Variants in TM2D1 observed in about 807,000 individuals in gnomAD.
The protein encoded by TM2D1 is TM2 domain containing 1.
A neutral mutation model predicts 28.4 loss-of-function variants in TM2D1; 15 were observed. The observed-to-expected ratio is 0.53, with a 90% CI of 0.35 to 0.81. TM2D1 has a LOEUF of 0.81. Among genes scored for constraint, TM2D1 ranks in the 40% least tolerant of loss-of-function variants. The pLI, the probability that TM2D1 is intolerant of heterozygous loss-of-function variation, is 0.01. For synonymous variants in TM2D1, 93 were observed against 96.2 expected (o/e 0.97, Z 0.20); for missense variants, 236 against 254.9 (o/e 0.93, Z 0.50).
intron 5 of TM2D1, among the ~76,000 whole-genome samples, chr1:61,690,456 C>CAAAAAAAAAAAAAAAAAAAAAAA (rs762550068): frequency 3.3e-5 from 2 of 60,048 alleles, no homozygotes; most frequent in Non-Finnish European, 5.9e-5. Flanking sequence ...GACTCAGTCT[C>CAAAAAAAAAAAAAAAAAAAAAAA]AAAAAAAAAA....
chr1:61,691,941 A>ATATATATATATG (rs1644330565), intron 5 of TM2D1, among the ~76,000 whole-genome samples: 1 of 117,658 alleles, frequency 8.5e-6, no homozygotes, highest in Non-Finnish European at 1.9e-5. Context: ...AAATATATAT[A>ATATATATATATG]TATATATATA....
At chr1:61,688,870 C>T (rs377157136) in intron 5 of TM2D1, among the ~76,000 whole-genome samples, 45 of 146,602 alleles carry the variant, frequency 3.1e-4, no homozygotes, top group East Asian at 2.5e-3. Context: ...CATGGTGAAA[C>T]GCCATCTCTA....
intron 2 of TM2D1, among the ~76,000 whole-genome samples, chr1:61,713,244 G>A (rs1037024853): frequency 5.9e-5 from 9 of 151,702 alleles, no homozygotes; most frequent in South Asian, 2.1e-4. Context: ...TTGGGAGGCC[G>A]AGGCAGGTGA....
chr1:61,711,329 C>CAA (rs1203013202), intron 2 of TM2D1, among the ~76,000 whole-genome samples: 4 of 86,068 alleles, frequency 4.6e-5, no homozygotes, highest in Non-Finnish European at 9.7e-5. Context: ...AACTCCACCT[C>CAA]AAAAAAAAAA....
chr1:61,689,405 T>C (rs997359518), intron 5 of TM2D1, among the ~76,000 whole-genome samples: 4 of 152,182 alleles, frequency 2.6e-5, no homozygotes, highest in African/African-American at 4.8e-5. Context: ...ACTCTGTTGC[T>C]CATGCTAGAG....
At chr1:61,712,985 C>T (rs1003740669) in intron 2 of TM2D1, among the ~76,000 whole-genome samples, 9 of 150,768 alleles carry the variant, frequency 6.0e-5, no homozygotes, top group Admixed American at 2.0e-4. Context: ...ACCTGACCAA[C>T]ATGGTGAAAC....
intron 2 of TM2D1, among the ~76,000 whole-genome samples, chr1:61,718,649 G>A (rs545757665): frequency 6.6e-6 from 1 of 152,150 alleles, no homozygotes; most frequent in Non-Finnish European, 1.5e-5. Flanking sequence ...ACATCACCAA[G>A]GAGAAAGAGA....
intron 2 of TM2D1, among the ~76,000 whole-genome samples, chr1:61,721,144 T>A (rs1644560974): frequency 6.6e-6 from 1 of 151,752 alleles, no homozygotes; most frequent in South Asian, 2.1e-4. Context: ...GGTGGGAGGA[T>A]CTCCTGAGCC....
At chr1:61,683,791 C>T (rs1458001810) in intron 5 of TM2D1, 2 of 262,808 alleles carry the variant, frequency 7.6e-6, no homozygotes, top group African/African-American at 4.5e-5. Context: ...CTCCCTGAGG[C>T]CCTTGGCTTC....
At chr1:61,683,175 T>A (rs1180538561) in intron 6 of TM2D1, 1 of 191,250 alleles carries the variant, frequency 5.2e-6, no homozygotes, top group African/African-American at 2.3e-5. Flanking sequence ...TGCTTTGATG[T>A]TACTTTTTTC....
In TM2D1 at chr1:61,714,191, G is replaced by A. The variant is rs183832951; in HGVS notation, c.239-4754C>T. On this transcript the variant is annotated intron_variant, in intron 2 of 6. Transcript: ENST00000606498. ...ATTACAGGCCTGAGCCACCGCGCCC[G>A]GCCAAAAACCAAATATTTCTAGGTG... 7.1e-4 allele frequency among the ~76,000 whole-genome samples: 102 copies of A among 144,494 alleles called. 1 individual carries two copies. The East Asian group carries it at 0.021, about 30-fold the overall frequency. 94.8% of individuals were successfully genotyped at this position (144,494 alleles called of 152,430 possible). A position where few individuals can be genotyped will look rare whatever the true frequency, so the allele number is the denominator to read the frequency against.
At chr1:61,723,990 T>A (rs1019252805) in intron 1 of TM2D1, among the ~76,000 whole-genome samples, 1 of 151,908 alleles carries the variant, frequency 6.6e-6, no homozygotes, top group Non-Finnish European at 1.5e-5. Context: ...AGCCCAGGAG[T>A]TTGGGAAGAA....
At chr1:61,721,000 G>T (rs535419156) in intron 2 of TM2D1, among the ~76,000 whole-genome samples, 1 of 151,596 alleles carries the variant, frequency 6.6e-6, no homozygotes, top group Non-Finnish European at 1.5e-5. Context: ...CAGGTGGATC[G>T]CTTGAGCCCA....
intron 3 of TM2D1, among the ~76,000 whole-genome samples, chr1:61,701,267 A>T (rs528058087): frequency 2.0e-5 from 3 of 146,388 alleles, no homozygotes; most frequent in South Asian, 4.3e-4. Context: ...AAATATATTT[A>T]AAAAATAAAT....
At chr1:61,704,577 G>A (rs1039987123) in intron 3 of TM2D1, among the ~76,000 whole-genome samples, 1 of 151,700 alleles carries the variant, frequency 6.6e-6, no homozygotes, top group Non-Finnish European at 1.5e-5. Context: ...GATTACAGGT[G>A]CCCACCACCA....
At chr1:61,686,873 T>C in intron 5 of TM2D1, 1 of 939,146 alleles carries the variant, frequency 1.1e-6, no homozygotes, top group Non-Finnish European at 1.3e-6. Flanking sequence ...CAATGAGTTA[T>C]GATCACGCCA....
intron 2 of TM2D1, among the ~76,000 whole-genome samples, chr1:61,722,663 G>A (rs1042515273): frequency 1.3e-5 from 2 of 152,102 alleles, no homozygotes; most frequent in Admixed American, 1.3e-4. Context: ...CACCATGCCT[G>A]GCCATTTAAA....
At chr1:61,687,702 G>C (rs1328422136) in intron 5 of TM2D1, among the ~76,000 whole-genome samples, 1 of 129,042 alleles carries the variant, frequency 7.7e-6, no homozygotes, top group African/African-American at 2.5e-5. Flanking sequence ...ATGAAGAAGT[G>C]AAAGAAAAAA....
intron 3 of TM2D1, among the ~76,000 whole-genome samples, chr1:61,707,277 C>A (rs139307190): frequency 0.013 from 1,988 of 152,172 alleles, 13 homozygotes; most frequent in Admixed American, 0.029. Flanking sequence ...ATAAAAAATG[C>A]TTATGAGTAT....
Sources: allele counts gnomAD v4.1 joint callset (sites outside exome capture counted in the v4.1 genomes callset), GRCh38; gene constraint gnomAD v4.1.1; transcripts MANE v1.5; gene names NCBI Gene and HGNC (gene_info 2026-07-23, HGNC 2026-07-21).